The following ARHGAP23 variants were observed in gnomAD, a reference collection of about 807,000 sequenced individuals.
The protein encoded by ARHGAP23 is rho GTPase-activating protein 23.
ARHGAP23 carries 34 observed loss-of-function variants against 136.3 expected under a neutral mutation model. The observed-to-expected ratio is 0.25, with a 90% confidence interval of 0.19 to 0.33. The LOEUF (loss-of-function observed/expected upper bound fraction) is 0.33. Among genes scored for constraint, ARHGAP23 ranks in the 10% least tolerant of loss-of-function variants. The pLI, the probability that ARHGAP23 is intolerant of heterozygous loss-of-function variation, is 1.00. For missense variants in ARHGAP23, 1,808 were observed against 2,139.0 expected, an observed-to-expected ratio of 0.85 and a Z score of 3.05; for synonymous variants, 832 against 920.5, an observed-to-expected ratio of 0.90 and a Z score of 1.74.
In ARHGAP23 at chr17:38,466,751, C is replaced by A; in HGVS notation, c.1068C>A (p.Ser356Arg). 1 of 1,547,972 alleles carries A rather than the reference C, an allele frequency of 6.5e-7. No individual in the cohort carries two copies. The highest frequency in any genetic ancestry group is 8.7e-7 in the Non-Finnish European group (1 of 1,145,730). ...GAGCTCGCTCAGATGACTACTTGAG[C>A]CGGGCCACCCGTTCTGCCGAGGCAC... ...WHRARSDDYL[S>R]RATRSAEALG... The change falls in exon 7 of 24, where the codon AGC becomes AGA. Residue 356 changes from serine to arginine, a missense_variant. Physicochemically the swap from Ser to Arg is moderately radical, Grantham distance 110. Around this residue, in one of 7 missense-constraint regions of ARHGAP23, gnomAD observed 859 missense variants for 936.4 expected, o/e 0.92. Coordinates refer to ENST00000622683, the MANE Select transcript of ARHGAP23 (RefSeq NM_001199417.2).
chr17:38,426,822 G>A (rs2038577516), upstream of ARHGAP23, among the ~76,000 whole-genome samples: 1 of 152,112 alleles, frequency 6.6e-6, no homozygotes, highest in Non-Finnish European at 1.5e-5. Flanking sequence ...AGTAGGGATG[G>A]CCTAATTGTT....
chr17:38,433,034 C>T (rs1305243040), intron 1 of ARHGAP23, among the ~76,000 whole-genome samples: 5 of 152,176 alleles, frequency 3.3e-5, no homozygotes, highest in Non-Finnish European at 5.9e-5. Flanking sequence ...TACACTGCAG[C>T]CTTGAACTCC....
Position 38,466,624 on chromosome 17 carries a change from G to C in ARHGAP23, c.941G>C (p.Ser314Thr). 1 of 1,517,178 alleles carries C rather than the reference G, an allele frequency of 6.6e-7. No individual in the cohort carries two copies. Among genetic ancestry groups the C allele is most frequent in the Admixed American group, 2.1e-5 (1 of 48,104 alleles). The allele number at this position is 1,517,178 out of a possible 1,614,324, so 94.0% of individuals were successfully genotyped here. A position where few individuals can be genotyped will look rare whatever the true frequency, so the allele number is the denominator to read the frequency against. ...RCPAMAPRAR[S>T]ASQDRLEEVA... ...CCAGCCATGGCCCCCCGGGCCCGCA[G>C]CGCCTCCCAGGACCGGTTGGAGGAG... The change falls in exon 7 of 24, where the codon AGC becomes ACC. Residue 314 changes from serine (S) to threonine (T), a missense_variant. Ser to Thr is a moderately conservative substitution (Grantham distance 58, BLOSUM62 1). Coordinates refer to ENST00000622683, the MANE Select transcript of ARHGAP23 (RefSeq NM_001199417.2).
At chr17:38,446,009 C>G (rs924543694) in intron 1 of ARHGAP23, among the ~76,000 whole-genome samples, 14 of 120,260 alleles carry the variant, frequency 1.2e-4, no homozygotes, top group Non-Finnish European at 1.8e-4. Flanking sequence ...TAGCATGTGT[C>G]AAATATCTTT....
intron 17 of ARHGAP23, among the ~76,000 whole-genome samples, chr17:38,487,878 A>C: frequency 6.6e-6 from 1 of 152,102 alleles, no homozygotes; most frequent in East Asian, 1.9e-4. Flanking sequence ...TAAATAAATA[A>C]ATAAATAATA....
upstream of ARHGAP23, among the ~76,000 whole-genome samples, chr17:38,426,052 C>T (rs117022877): frequency 0.038 from 5,770 of 152,046 alleles, 246 homozygotes; most frequent in Admixed American, 0.12. Context: ...GGGCACCCCA[C>T]GGCCACCACC....
In ARHGAP23 at chr17:38,482,062, C is replaced by T. The variant is rs1019982626; in HGVS notation, c.2670C>T (p.Asn890=). The T allele has an allele frequency of 3.9e-6, 6 of 1,549,774 alleles. No homozygotes were observed. The highest frequency in any genetic ancestry group is 1.7e-6 in the Non-Finnish European group (2 of 1,146,368). The change falls in exon 15 of 24, where the codon AAC becomes AAT. Residue 890 remains asparagine, a synonymous_variant. Coordinates refer to ENST00000622683, the MANE Select transcript of ARHGAP23 (RefSeq NM_001199417.2). ...AAAPKTPWGI[N]IIKKNKKAAP... ...CCCCCAAAACCCCCTGGGGCATCAACATCATCAAGAAAAATAAGAAGGCCG... is the reference window on the plus strand; with the variant it reads ...CCCCCAAAACCCCCTGGGGCATCAATATCATCAAGAAAAATAAGAAGGCCG...
intron 23 of ARHGAP23, among the ~76,000 whole-genome samples, chr17:38,506,101 G>A (rs978515054): frequency 6.6e-6 from 1 of 152,180 alleles, no homozygotes; most frequent in African/African-American, 2.4e-5. Context: ...TTGGCAGAAG[G>A]TGTCAGTCCA....
At chr17:38,451,917 A>G (rs1160434423) in intron 1 of ARHGAP23, 1 of 152,294 alleles carries the variant, frequency 6.6e-6, no homozygotes. Flanking sequence ...TCTCCCCCTA[A>G]GCTCTCCTGA....
chr17:38,494,917 ACTT>A (rs551421684), intron 20 of ARHGAP23, among the ~76,000 whole-genome samples: 49 of 152,254 alleles, frequency 3.2e-4, no homozygotes, highest in Middle Eastern at 3.4e-3. Context: ...CTTGCAGAGT[ACTT>A]CTGGGCACCT....
intron 16 of ARHGAP23, among the ~76,000 whole-genome samples, chr17:38,485,631 G>T (rs932840899): frequency 6.6e-6 from 1 of 152,336 alleles, no homozygotes; most frequent in African/African-American, 2.4e-5. Context: ...TTTAGGCGGG[G>T]ATGAGGAGCC....
At chr17:38,441,444 C>A (rs2038918386) in intron 1 of ARHGAP23, among the ~76,000 whole-genome samples, 2 of 152,160 alleles carry the variant, frequency 1.3e-5, no homozygotes, top group South Asian at 4.1e-4. Flanking sequence ...CCCTTAACCT[C>A]TTCCCCCACC....
intron 10 of ARHGAP23, among the ~76,000 whole-genome samples, chr17:38,470,452 G>T (rs1012872502): frequency 6.6e-6 from 1 of 152,222 alleles, no homozygotes; most frequent in Non-Finnish European, 1.5e-5. Flanking sequence ...GAAAGGTGTG[G>T]CCGGGACACA....
At chr17:38,466,018 C>G (rs964461106) in intron 6 of ARHGAP23, 149 bp from the exon 7 acceptor site, 9 of 561,334 alleles carry the variant, frequency 1.6e-5, no homozygotes, top group Admixed American at 3.9e-5. Context: ...CTTCCACCCC[C>G]ACCCACTTAT....
chr17:38,488,841 G>A (rs908425106), intron 17 of ARHGAP23, among the ~76,000 whole-genome samples: 1 of 151,836 alleles, frequency 6.6e-6, no homozygotes, highest in South Asian at 2.1e-4. Context: ...GAGCCACCGC[G>A]CCCTGCCTAA....
At chr17:38,423,327 AG>A (rs1180954209) in intron 1 of ARHGAP23, among the ~76,000 whole-genome samples, 1 of 151,168 alleles carries the variant, frequency 6.6e-6, no homozygotes, top group Non-Finnish European at 1.5e-5. Context: ...CAAGTAGCTG[AG>A]ACTACAGGCA....
chr17:38,487,001 G>T (rs2040175223), intron 17 of ARHGAP23, among the ~76,000 whole-genome samples: 1 of 152,122 alleles, frequency 6.6e-6, no homozygotes. Flanking sequence ...CTGTCTCTGG[G>T]GGAAAAAAGC....
At chr17:38,486,632 C>T (rs1464084188) in intron 17 of ARHGAP23, among the ~76,000 whole-genome samples, 4 of 151,188 alleles carry the variant, frequency 2.6e-5, no homozygotes, top group African/African-American at 9.7e-5. Context: ...CTGTGAATGT[C>T]CTGCTCCCTT....
chr17:38,479,555 C>T, intron 13 of ARHGAP23, 58 bp downstream of exon 13: 1 of 1,518,288 alleles, frequency 6.6e-7, no homozygotes, highest in Non-Finnish European at 8.9e-7. Flanking sequence ...GGGCTGAAGG[C>T]AAAGGATGTC....
Sources: allele counts gnomAD v4.1 joint callset (sites outside exome capture counted in the v4.1 genomes callset), GRCh38; gene constraint gnomAD v4.1.1; regional missense constraint gnomAD v4.1.1; transcripts MANE v1.5; gene names NCBI Gene and HGNC (gene_info 2026-07-23, HGNC 2026-07-21).